The following MYOM1 variants were observed in gnomAD, a reference collection of about 807,000 sequenced individuals.
The protein encoded by MYOM1 is myomesin-1.
In MYOM1, 164 loss-of-function variants were observed where a neutral mutation model predicts 205.3. The ratio of observed to expected loss-of-function variants is 0.80; its 90% CI spans 0.70 to 0.91. MYOM1 has a LOEUF of 0.91. Ranked by LOEUF, MYOM1 falls within the 40% of genes least tolerant of loss-of-function variation. The pLI is 0.00. For synonymous variants in MYOM1, 772 were observed against 789.4 expected, an observed-to-expected ratio of 0.98 and a Z score of 0.37; for missense variants, 2,011 against 2,127.3, an observed-to-expected ratio of 0.95 and a Z score of 1.08.
intron 13 of MYOM1, among the ~76,000 whole-genome samples, chr18:3,144,657 C>T (rs1003418189): frequency 3.3e-5 from 5 of 152,004 alleles, no homozygotes; most frequent in African/African-American, 1.2e-4. Flanking sequence ...ACCATGCTAA[C>T]ACTAATCAAA....
intron 19 of MYOM1, among the ~76,000 whole-genome samples, chr18:3,123,622 G>A (rs2079731247): frequency 6.6e-6 from 1 of 150,660 alleles, no homozygotes; most frequent in Non-Finnish European, 1.5e-5. Flanking sequence ...TGGGTTGAAT[G>A]TAAGTTTTTT....
intron 19 of MYOM1, among the ~76,000 whole-genome samples, chr18:3,124,217 G>A (rs149983416): frequency 4.4e-4 from 67 of 151,180 alleles, no homozygotes; most frequent in African/African-American, 1.4e-3. Flanking sequence ...TGGGAAGCAC[G>A]AACACAGACT....
intron 34 of MYOM1, 69 bp downstream of exon 34, chr18:3,079,110 A>G (rs2079054337): frequency 6.5e-7 from 1 of 1,533,446 alleles, no homozygotes; most frequent in South Asian, 1.2e-5. Flanking sequence ...ACCATGCCCA[A>G]CTCCCTTCAT....
intron 10 of MYOM1, among the ~76,000 whole-genome samples, chr18:3,163,738 G>A (rs1192831967): frequency 6.6e-6 from 1 of 152,164 alleles, no homozygotes; most frequent in Non-Finnish European, 1.5e-5. Context: ...ACAGGCATGA[G>A]CCACCGGGCC....
chr18:3,176,230 A>C, intron 5 of MYOM1, 96 bp from the exon 6 acceptor site: 1 of 721,290 alleles, frequency 1.4e-6, no homozygotes, highest in Non-Finnish European at 2.4e-6. Flanking sequence ...GAACATCTGT[A>C]AACAGGGCAC....
chr18:3,072,350 C>CTGTTTTTTTT (rs2078968666), intron 36 of MYOM1, among the ~76,000 whole-genome samples: 1 of 56,226 alleles, frequency 1.8e-5, no homozygotes, highest in African/African-American at 9.3e-5. Context: ...CCGCACCCGG[C>CTGTTTTTTTT]TTTTTTTTTT....
chr18:3,152,209 T>C lies in MYOM1; in HGVS notation c.1644-316A>G, dbSNP rs1169004348. Among the ~76,000 whole-genome samples the C allele has an allele frequency of 1.3e-5, 2 of 152,194 alleles. No homozygotes were observed. Among genetic ancestry groups the C allele is most frequent in the Non-Finnish European group, 2.9e-5 (2 of 68,040 alleles). On this transcript the variant is annotated intron_variant, in intron 11 of 37. Transcript: ENST00000356443. The surrounding 1 kb of genome is among the most constrained non-coding windows in gnomAD (Gnocchi z 4.3). The stretch of plus-strand genomic sequence containing the variant: ...CAGATAAATATCTCCAATCTTAGCA[T>C]TGGAGAAGATCCCCAAACATCTCCC...
At chr18:3,129,833 T>TA (rs2079849567) in intron 17 of MYOM1, among the ~76,000 whole-genome samples, 1 of 152,166 alleles carries the variant, frequency 6.6e-6, no homozygotes, top group African/African-American at 2.4e-5. Flanking sequence ...AAGCAAATCT[T>TA]AGACACAAAT....
At chr18:3,098,174 A>G (rs2079329840) in intron 25 of MYOM1, among the ~76,000 whole-genome samples, 1 of 152,232 alleles carries the variant, frequency 6.6e-6, no homozygotes, top group African/African-American at 2.4e-5. Context: ...AGGTTCAGGG[A>G]TCACTGGTCT....
At chr18:3,112,438 T>C (rs372968547) in intron 21 of MYOM1, 26 bp from the exon 22 acceptor site, 4 of 1,553,896 alleles carry the variant, frequency 2.6e-6, no homozygotes, top group African/African-American at 1.4e-5. Context: ...GTAGAAGCAA[T>C]GGGTGTTTGA....
chr18:3,139,613 C>A (rs1260681132), intron 14 of MYOM1, among the ~76,000 whole-genome samples: 1 of 152,156 alleles, frequency 6.6e-6, no homozygotes, highest in African/African-American at 2.4e-5. Context: ...ATAATTTTAG[C>A]CTCAGCTCAG....
At chr18:3,171,171 T>C (rs1237282490) in intron 8 of MYOM1, among the ~76,000 whole-genome samples, 1 of 152,226 alleles carries the variant, frequency 6.6e-6, no homozygotes, top group African/African-American at 2.4e-5. Context: ...TCTTGGCCAA[T>C]ACATTGTACT....
chr18:3,157,428 C>A (rs752800955), intron 10 of MYOM1, among the ~76,000 whole-genome samples: 2 of 151,932 alleles, frequency 1.3e-5, no homozygotes, highest in Non-Finnish European at 1.5e-5. Context: ...CAGTGGGTCA[C>A]GCCTGTAATC....
rs1403148059 is a variant in MYOM1 at position 3,219,632 on chromosome 18, C to T, written c.-29+171G>A. 2.6e-5 allele frequency among the ~76,000 whole-genome samples: 4 copies of T among 152,240 alleles called. No homozygotes were observed. In the South Asian group the frequency reaches 6.2e-4, roughly 24 times the overall value. On this transcript the variant is annotated intron_variant, in intron 1 of 37. Transcript: ENST00000356443. This position sits in a 1 kb window ranked among gnomAD's most constrained non-coding sequence, Gnocchi z 4.4. Reference sequence around the variant, plus strand: ...GAGCTGTGCCAGCCCGACTGGCACCCGGCTGTTCTGGTTTCCCTCCCTGGA... The same window carrying T: ...GAGCTGTGCCAGCCCGACTGGCACCTGGCTGTTCTGGTTTCCCTCCCTGGA...
chr18:3,146,690 C>T (rs2080127204), intron 13 of MYOM1, among the ~76,000 whole-genome samples: 1 of 151,988 alleles, frequency 6.6e-6, no homozygotes, highest in African/African-American at 2.4e-5. Context: ...TGAATGCTTT[C>T]CCCCTGACAT....
intron 16 of MYOM1, 27 bp from the exon 17 acceptor site, chr18:3,131,523 T>C: frequency 6.2e-7 from 1 of 1,604,168 alleles, no homozygotes; most frequent in Non-Finnish European, 8.5e-7. Context: ...TTTTAAAAAA[T>C]TTTCCTAGGA....
In MYOM1 at chr18:3,067,512, T is replaced by G; in HGVS notation, c.4808A>C (p.Glu1603Ala). Residue 1603 changes from glutamate (E) to alanine (A), a missense_variant, in exon 38 of 38, where the codon GAG (glutamate) becomes GCG (alanine). Glu to Ala is a moderately radical substitution (Grantham distance 107). Transcript: ENST00000356443. ...CTTCTCGTTCTTCAACCACGACACCTCCGGAGGCGGGTCTCCCCACACGTT... is the reference window on the plus strand; with the variant it reads ...CTTCTCGTTCTTCAACCACGACACCGCCGGAGGCGGGTCTCCCCACACGTT... Reference protein sequence around the residue: ...TCNVWGDPPPEVSWLKNEKAL... With the variant: ...TCNVWGDPPPAVSWLKNEKAL... 1 of 1,613,706 alleles carries G rather than the reference T, an allele frequency of 6.2e-7. No individual in the cohort carries two copies. Among genetic ancestry groups the G allele is most frequent in the Non-Finnish European group, 8.5e-7 (1 of 1,179,840 alleles).
intron 19 of MYOM1, among the ~76,000 whole-genome samples, chr18:3,125,691 G>A (rs529369299): frequency 1.5e-4 from 23 of 152,252 alleles, no homozygotes; most frequent in African/African-American, 5.1e-4. Context: ...GCCTCACCCT[G>A]CTCTGAACCC....
At chr18:3,157,013 C>T (rs1010509691) in intron 10 of MYOM1, among the ~76,000 whole-genome samples, 1 of 152,158 alleles carries the variant, frequency 6.6e-6, no homozygotes, top group South Asian at 2.1e-4. Context: ...GATGCTGAGG[C>T]TGACATGCTT....
Sources: allele counts gnomAD v4.1 joint callset (sites outside exome capture counted in the v4.1 genomes callset), GRCh38; gene constraint gnomAD v4.1.1; non-coding constraint Gnocchi (gnomAD v3.1); transcripts MANE v1.5; gene names NCBI Gene and HGNC (gene_info 2026-07-23, HGNC 2026-07-21).